Variants in INPP4B observed in about 807,000 individuals in gnomAD.
INPP4B encodes inositol polyphosphate-4-phosphatase type II B.
A neutral mutation model predicts 122.5 loss-of-function variants in INPP4B; 55 were observed. The observed-to-expected ratio is 0.45, with a 90% confidence interval of 0.36 to 0.56. INPP4B has a LOEUF of 0.56. Ranked by LOEUF, INPP4B falls within the 20% of genes least tolerant of loss-of-function variation. INPP4B has a pLI of 0.00. For missense variants in INPP4B, 1,000 were observed against 1,097.7 expected (o/e 0.91, Z 1.26); for synonymous variants, 403 against 388.7 (o/e 1.04, Z -0.43).
At chr4:142,420,050 AAAG>A (rs931536104) in intron 5 of INPP4B, among the ~76,000 whole-genome samples, 1 of 152,086 alleles carries the variant, frequency 6.6e-6, no homozygotes, top group African/African-American at 2.4e-5. Context: ...GGTAAACCAC[AAAG>A]AAGTAGAAAT....
At chr4:142,729,731 T>C (rs2150874933) in intron 1 of INPP4B, among the ~76,000 whole-genome samples, 1 of 152,264 alleles carries the variant, frequency 6.6e-6, no homozygotes, top group South Asian at 2.1e-4. Context: ...CTTTGTTACT[T>C]ACTTCATCCA....
At chr4:142,736,216 A>C (rs1766862314) in intron 1 of INPP4B, among the ~76,000 whole-genome samples, 1 of 152,154 alleles carries the variant, frequency 6.6e-6, no homozygotes, top group South Asian at 2.1e-4. Context: ...GGAATATTAA[A>C]GTTTCAGAAA....
intron 1 of INPP4B, among the ~76,000 whole-genome samples, chr4:142,799,781 G>T (rs1041881346): frequency 4.0e-5 from 6 of 151,660 alleles, no homozygotes; most frequent in African/African-American, 1.2e-4. Context: ...ACTAAATATT[G>T]TAACAAAAGT....
At chr4:142,172,458 A>G (rs1219266) in intron 16 of INPP4B, among the ~76,000 whole-genome samples, 107,274 of 151,796 alleles carry the variant, frequency 0.71, 40,357 homozygotes, top group Non-Finnish European at 0.83. Flanking sequence ...ATTTGGGTCA[A>G]TATTTTCCTC....
chr4:142,348,673 G>C (rs1466440652), intron 7 of INPP4B, among the ~76,000 whole-genome samples: 1 of 151,994 alleles, frequency 6.6e-6, no homozygotes, highest in Non-Finnish European at 1.5e-5. Flanking sequence ...TTGCTCCAAG[G>C]CTGCAAACTA....
At chr4:142,768,664 G>T (rs1411162707) in intron 1 of INPP4B, among the ~76,000 whole-genome samples, 2 of 152,310 alleles carry the variant, frequency 1.3e-5, no homozygotes, top group South Asian at 4.1e-4. Context: ...CAAGAGATGT[G>T]CATTTCAAGT....
chr4:142,460,626 A>C (rs1020464701), intron 3 of INPP4B, among the ~76,000 whole-genome samples: 1 of 152,168 alleles, frequency 6.6e-6, no homozygotes, highest in African/African-American at 2.4e-5. Flanking sequence ...GTAGTAATTA[A>C]AAAGCAGCTG....
At chr4:142,562,293 G>A (rs1202802397) in intron 2 of INPP4B, among the ~76,000 whole-genome samples, 1 of 152,148 alleles carries the variant, frequency 6.6e-6, no homozygotes, top group Non-Finnish European at 1.5e-5. Context: ...TTCTGCCACT[G>A]AATGATTGTT....
At chr4:142,702,672 G>A (rs1761954989) in intron 2 of INPP4B, among the ~76,000 whole-genome samples, 1 of 148,572 alleles carries the variant, frequency 6.7e-6, no homozygotes. Flanking sequence ...GGAGGTTGCG[G>A]TGAGCCGAGA....
chr4:142,306,387 T>C lies in INPP4B; in HGVS notation c.424-850A>G, dbSNP rs948099473. Among the ~76,000 whole-genome samples, 25 of 152,214 alleles carry C rather than the reference T, an allele frequency of 1.6e-4. 1 individual carries two copies. The South Asian group carries it at 2.1e-3, about 13-fold the overall frequency. ...AGGTCAAGGAGTAAATATGAAAATA[T>C]CAAACCCATGTTATTTCTTATGCCA... On this transcript the variant is annotated intron_variant, in intron 8 of 25. Transcript: ENST00000262992.
intron 1 of INPP4B, among the ~76,000 whole-genome samples, chr4:142,794,796 TAA>T (rs769190965): frequency 6.6e-6 from 1 of 151,622 alleles, no homozygotes; most frequent in Non-Finnish European, 1.5e-5. Context: ...AAAGGAGCAA[TAA>T]AAAAACCCCA....
At chr4:142,269,206 C>T (rs1197392613) in intron 10 of INPP4B, among the ~76,000 whole-genome samples, 1 of 152,092 alleles carries the variant, frequency 6.6e-6, no homozygotes, top group Non-Finnish European at 1.5e-5. Context: ...TTGACTATTC[C>T]TCTTCTCCCT....
intron 11 of INPP4B, among the ~76,000 whole-genome samples, chr4:142,259,592 A>G (rs368475109): frequency 1.7e-5 from 1 of 59,556 alleles, no homozygotes; most frequent in Middle Eastern, 6.0e-3. Flanking sequence ...AAAAAAATAT[A>G]AAATAATAAT....
chr4:142,539,999 C>T (rs1253672781), intron 2 of INPP4B, among the ~76,000 whole-genome samples: 1 of 152,026 alleles, frequency 6.6e-6, no homozygotes, highest in African/African-American at 2.4e-5. Context: ...ACTTGAAGTT[C>T]CTCTTTTTCT....
chr4:142,213,290 C>G (rs559596572), intron 12 of INPP4B, among the ~76,000 whole-genome samples: 4 of 152,134 alleles, frequency 2.6e-5, no homozygotes, highest in Non-Finnish European at 5.9e-5. Flanking sequence ...GGGTCTCTAT[C>G]GTACCCCGGA....
At chr4:142,781,012 T>G (rs1265132540) in intron 1 of INPP4B, among the ~76,000 whole-genome samples, 2 of 152,190 alleles carry the variant, frequency 1.3e-5, no homozygotes, top group African/African-American at 2.4e-5. Context: ...CTCATAATAC[T>G]CACTGAATTT....
chr4:142,533,467 AT>A (rs1004897842), intron 2 of INPP4B, among the ~76,000 whole-genome samples: 63 of 151,278 alleles, frequency 4.2e-4, no homozygotes, highest in African/African-American at 1.2e-3. Context: ...AAAAATATTT[AT>A]TTTTTTTTTA....
chr4:142,832,970 T>G (rs1417892289), intron 1 of INPP4B, among the ~76,000 whole-genome samples: 1 of 152,206 alleles, frequency 6.6e-6, no homozygotes, highest in Non-Finnish European at 1.5e-5. Flanking sequence ...GCTGAAGCCT[T>G]GTTTTACATG....
chr4:142,704,579 G>A (rs553845552), intron 2 of INPP4B, among the ~76,000 whole-genome samples: 6 of 152,118 alleles, frequency 3.9e-5, no homozygotes, highest in Admixed American at 3.9e-4. Context: ...CCATTACCAT[G>A]GGGAAGTTAA....
Sources: gnomAD v4.1 joint callset for allele counts (sites outside exome capture counted in the v4.1 genomes callset) on GRCh38, gnomAD v4.1.1 for gene constraint, MANE v1.5 for transcripts, NCBI Gene and HGNC (gene_info 2026-07-23, HGNC 2026-07-21) for gene names.